TPR: variants seen among roughly 807,000 people sequenced by gnomAD.
TPR encodes the protein nucleoprotein TPR.
In TPR, 51 loss-of-function variants were observed where a neutral mutation model predicts 316.1. The observed-to-expected ratio is 0.16, with a 90% CI of 0.13 to 0.20. The LOEUF is 0.20. TPR is among the 10% of genes least tolerant of loss of function. The pLI is 1.00. For synonymous variants in TPR, 981 were observed against 914.7 expected (o/e 1.07, Z -1.31); for missense variants, 2,272 against 2,754.8 (o/e 0.82, Z 3.92).
At chr1:186,349,665 A>AT (rs1333011671) in intron 21 of TPR, among the ~76,000 whole-genome samples, 9 of 150,398 alleles carry the variant, frequency 6.0e-5, no homozygotes, top group Admixed American at 2.0e-4. Flanking sequence ...CTCTCAAAAA[A>AT]AAAAAAAAAA....
In TPR at chr1:186,333,408, A is replaced by G. The variant is rs376568827; in HGVS notation, c.5183-14T>C. 110 of 1,611,292 alleles carry G rather than the reference A, an allele frequency of 6.8e-5. 1 individual carries two copies. Among genetic ancestry groups the G allele is most frequent in the Admixed American group, 5.0e-4 (30 of 59,718 alleles). On this transcript the variant is annotated splice_polypyrimidine_tract_variant and intron_variant, in intron 36 of 50. Coordinates refer to ENST00000367478, the MANE Select transcript of TPR (RefSeq NM_003292.3). The stretch of plus-strand genomic sequence containing the variant: ...CTGACTGCATAGCTGAAAAATAATT[A>G]TAATGCTGAATATAAGCCTTCTACT...
In TPR at chr1:186,356,467, C is replaced by T. The variant is rs749725698; in HGVS notation, c.1725-18G>A. 1.3e-6 allele frequency: 2 copies of T among 1,599,648 alleles called. No homozygotes were observed. The highest frequency in any genetic ancestry group is 4.5e-5 in the East Asian group (2 of 44,462). ...CAGTGATTCTGTAGAAAAAGTCGGC[C>T]TAATTCACAGGACTGAACTGAGAGT... On this transcript the variant is annotated intron_variant, in intron 14 of 50. Coordinates refer to ENST00000367478, the MANE Select transcript of TPR (RefSeq NM_003292.3).
Position 186,336,506 on chromosome 1 carries a change from T to C in TPR, c.4695A>G (p.Ala1565=). The change falls in exon 33 of 51, where the codon GCA becomes GCG. Residue 1565 remains alanine, a synonymous_variant. Transcript: ENST00000367478. ...TAAACAGATATTTACCAGCTAAGTG[T>C]GCAATTTTTGACTTTGCTGCTACAA... ...KAIVAAKSKI[A]HLAGVKDQLT... 2 of 1,613,696 alleles carry C rather than the reference T, an allele frequency of 1.2e-6. No homozygotes were observed. The highest frequency in any genetic ancestry group is 2.2e-5 in the East Asian group (1 of 44,870).
chr1:186,330,623 A>C (rs1371818239), intron 39 of TPR, among the ~76,000 whole-genome samples: 1 of 152,014 alleles, frequency 6.6e-6, no homozygotes, highest in African/African-American at 2.4e-5. Flanking sequence ...GCATGACTCT[A>C]TTGTGTAATA....
chr1:186,369,924 A>G (rs1659472407), intron 3 of TPR, among the ~76,000 whole-genome samples: 2 of 151,912 alleles, frequency 1.3e-5, no homozygotes, highest in Non-Finnish European at 2.9e-5. Context: ...GAAAAATTTT[A>G]TGTGACTGTG....
At chr1:186,320,068 G>C (rs1657735725) in intron 46 of TPR, among the ~76,000 whole-genome samples, 1 of 152,078 alleles carries the variant, frequency 6.6e-6, no homozygotes, top group Non-Finnish European at 1.5e-5. Context: ...ATTACACCAG[G>C]AGCCAGAAGA....
intron 37 of TPR, 90 bp downstream of exon 37, chr1:186,333,032 A>G (rs1351017588): frequency 1.4e-6 from 2 of 1,442,802 alleles, no homozygotes; most frequent in Non-Finnish European, 1.9e-6. Flanking sequence ...CATTTGTACA[A>G]AGAATACTCA....
rs758795687 is a variant in TPR, at chr1:186,314,010, C to A, written c.7053G>T (p.Met2351Ile). Residue 2351 changes from methionine to isoleucine, a missense_variant, in exon 51 of 51, where the codon ATG becomes ATT. By Grantham distance (10) the Met-to-Ile change is conservative. Transcript: ENST00000367478. ...CTCTGTTTATTCCTCCTCTCCCTCC[C>A]ATTGCATGGCTCACACCTGTAAAAG... ...FNRQRGVSHA[M>I]GGRGGINRGN... is the part of the protein sequence containing the mutation. 6.2e-7 allele frequency: 1 copy of A among 1,611,524 alleles called. No homozygotes were observed. Among genetic ancestry groups the A allele is most frequent in the South Asian group, 1.1e-5 (1 of 91,006 alleles).
At chr1:186,350,467 T>C (rs1658826453) in intron 20 of TPR, 79 bp from the exon 21 acceptor site, 2 of 1,116,930 alleles carry the variant, frequency 1.8e-6, no homozygotes, top group Admixed American at 3.3e-5. Context: ...TATAGACCTT[T>C]GGAGCTCGGC....
At position 186,312,464 on chromosome 1, in the gene TPR, A is replaced by C; in HGVS notation, c.*1507T>G. 1 of 1,216,984 alleles carries C rather than the reference A, an allele frequency of 8.2e-7. No individual in the cohort carries two copies. Among genetic ancestry groups the C allele is most frequent in the Non-Finnish European group, 1.2e-6 (1 of 869,156 alleles). 75.4% of individuals were successfully genotyped at this position (1,216,984 alleles called of 1,614,324 possible). A position where few individuals can be genotyped will look rare whatever the true frequency, so the allele number is the denominator to read the frequency against. The stretch of plus-strand genomic sequence containing the variant: ...TAAGGCTTATGAAATATGGATACTG[A>C]TCAAACAGCCCTAATAATTTAAGCT... On this transcript the variant is annotated 3_prime_UTR_variant, in exon 51 of 51. Coordinates refer to ENST00000367478, the MANE Select transcript of TPR (RefSeq NM_003292.3).
In TPR at chr1:186,320,398, A is replaced by G. The variant is rs767690457; in HGVS notation, c.6482T>C (p.Val2161Ala). 6.2e-7 allele frequency: 1 copy of G among 1,612,008 alleles called. No homozygotes were observed. Among genetic ancestry groups the G allele is most frequent in the Non-Finnish European group, 8.5e-7 (1 of 1,178,700 alleles). The change falls in exon 46 of 51, where the codon GTC becomes GCC. Residue 2161 changes from valine to alanine, a missense_variant. Around this residue, in one of 10 missense-constraint regions of TPR, gnomAD observed 88 missense variants for 176.2 expected, o/e 0.50. Transcript: ENST00000367478. ...EAIHSPQVAG[V>A]PRFRFGPPED... ...AGGTGGCCCAAACCGGAATCTAGGG[A>G]CACCAGCAACCTGCGGCGAACTAAA...
At chr1:186,332,062 G>GACAC in intron 38 of TPR, 133 bp downstream of exon 38, 2 of 925,742 alleles carry the variant, frequency 2.2e-6, no homozygotes, top group Non-Finnish European at 3.0e-6. Context: ...AATCTTTGTA[G>GACAC]AAAGTTCAAT....
chr1:186,317,727 T>C (rs1657652397), intron 48 of TPR, 127 bp from the exon 49 acceptor site: 1 of 769,864 alleles, frequency 1.3e-6, no homozygotes, highest in African/African-American at 1.8e-5. Context: ...AATTATAGAC[T>C]GATTTGGTTA....
intron 18 of TPR, among the ~76,000 whole-genome samples, chr1:186,352,965 T>C (rs535494116): frequency 2.6e-5 from 4 of 152,342 alleles, no homozygotes; most frequent in Admixed American, 2.6e-4. Context: ...AAGTATTTAG[T>C]TAAAAGTAAT....
At chr1:186,322,799 T>C (rs1657808271) in intron 43 of TPR, 1 of 537,104 alleles carries the variant, frequency 1.9e-6, no homozygotes, top group South Asian at 2.2e-5. Context: ...TAAAAATCAT[T>C]CTATTAACCA....
intron 49 of TPR, among the ~76,000 whole-genome samples, chr1:186,316,751 G>C (rs1571595695): frequency 6.6e-6 from 1 of 152,120 alleles, no homozygotes. Flanking sequence ...CTGTGCCTCA[G>C]CTTCCATATC....
rs1658997015 is a variant in TPR at position 186,355,411 on chromosome 1, G to A, written c.2170C>T (p.Arg724Cys). 9 of 1,608,324 alleles carry A rather than the reference G, an allele frequency of 5.6e-6. No homozygotes were observed. Among genetic ancestry groups the A allele is most frequent in the Non-Finnish European group, 7.6e-6 (9 of 1,178,854 alleles). Residue 724 changes from arginine to cysteine, a missense_variant and splice_region_variant, in exon 17 of 51, where the codon CGT becomes TGT. Coordinates refer to ENST00000367478, the MANE Select transcript of TPR (RefSeq NM_003292.3). ...AATTTGAAACAAAAGAAAACTTACCGTTTAGAAGCAAAATCTAGCTGGGTA... is the reference window on the plus strand; with the variant it reads ...AATTTGAAACAAAAGAAAACTTACCATTTAGAAGCAAAATCTAGCTGGGTA... ...ISTQLDFASK[R>C]YEMLQDNVEG...
At position 186,360,010 on chromosome 1, in the gene TPR, A is replaced by C; in HGVS notation, c.1192-14T>G. Reference sequence around the variant, plus strand: ...AGCATTATAGAGCTGAAAGTAGACAAAGGGTTGTTTCAAATCTAACCATAA... The same window carrying C: ...AGCATTATAGAGCTGAAAGTAGACACAGGGTTGTTTCAAATCTAACCATAA... On this transcript the variant is annotated splice_polypyrimidine_tract_variant and intron_variant, in intron 11 of 50. Coordinates refer to ENST00000367478, the MANE Select transcript of TPR (RefSeq NM_003292.3). 8 of 1,601,904 alleles carry C rather than the reference A, an allele frequency of 5.0e-6. No individual in the cohort carries two copies. Among genetic ancestry groups the C allele is most frequent in the Non-Finnish European group, 6.8e-6 (8 of 1,177,136 alleles).
intron 5 of TPR, 74 bp downstream of exon 5, chr1:186,363,268 A>AT: frequency 2.4e-6 from 3 of 1,252,804 alleles, no homozygotes; most frequent in Non-Finnish European, 3.4e-6. Flanking sequence ...TTTATTGCCT[A>AT]TATTTGAAAT....
Sources: allele counts gnomAD v4.1 joint callset (sites outside exome capture counted in the v4.1 genomes callset), GRCh38; gene constraint gnomAD v4.1.1; regional missense constraint gnomAD v4.1.1; transcripts MANE v1.5; gene names NCBI Gene and HGNC (gene_info 2026-07-23, HGNC 2026-07-21).